Variants in HECW2 observed in about 807,000 individuals in gnomAD.
The protein encoded by HECW2 is HECT, C2 and WW domain containing E3 ubiquitin protein ligase 2.
In HECW2, 61 loss-of-function variants were observed where a neutral mutation model predicts 175.2. That is an observed-to-expected ratio of 0.35 (90% CI 0.28 to 0.43). The LOEUF (loss-of-function observed/expected upper bound fraction) is 0.43. Ranked by LOEUF, HECW2 falls within the 20% of genes least tolerant of loss-of-function variation. The probability of loss-of-function intolerance (pLI) is 1.00; values close to 1 mark genes in which losing one functional copy is unlikely to be tolerated. For missense variants in HECW2, 1,524 were observed against 2,000.5 expected, an observed-to-expected ratio of 0.76 and a Z score of 4.54; for synonymous variants, 671 against 731.0, an observed-to-expected ratio of 0.92 and a Z score of 1.32.
At chr2:196,340,920 T>C (rs1418715533) in intron 3 of HECW2, among the ~76,000 whole-genome samples, 2 of 127,162 alleles carry the variant, frequency 1.6e-5, no homozygotes, top group African/African-American at 5.1e-5. Context: ...AATGCTAAAA[T>C]ACGGAGAAAA....
intron 19 of HECW2, among the ~76,000 whole-genome samples, chr2:196,246,255 A>G (rs1204962845): frequency 6.6e-6 from 1 of 152,226 alleles, no homozygotes; most frequent in African/African-American, 2.4e-5. Context: ...AGTCTGAGAA[A>G]CTGCAGACTA....
At chr2:196,257,961 C>G (rs1689130642) in intron 17 of HECW2, 55 bp from the exon 18 acceptor site, 2 of 1,306,630 alleles carry the variant, frequency 1.5e-6, no homozygotes, top group Non-Finnish European at 1.1e-6. Flanking sequence ...TAGGCTATAA[C>G]TCAGTAGTAA....
intron 1 of HECW2, among the ~76,000 whole-genome samples, chr2:196,535,681 T>A (rs946161440): frequency 2.2e-4 from 33 of 152,154 alleles, no homozygotes; most frequent in Non-Finnish European, 1.9e-4. Flanking sequence ...CCTCTCCTCA[T>A]CGATCCCAAA....
At chr2:196,518,305 G>C (rs1225196374) in intron 1 of HECW2, among the ~76,000 whole-genome samples, 1 of 152,128 alleles carries the variant, frequency 6.6e-6, no homozygotes, top group African/African-American at 2.4e-5. Flanking sequence ...CAAATTATAA[G>C]ATAAGAGCTA....
chr2:196,215,912 T>G lies in HECW2; in HGVS notation c.4560A>C (p.Pro1520=), dbSNP rs149233137. The change falls in exon 28 of 29, where the codon CCA becomes CCC. Residue 1520 remains proline, a synonymous_variant. Transcript: ENST00000644978. ...CCCATTTCTCCACACAGAATCTTCT[T>G]GGGCCGTTACTCCCTCGGAGTGAAG... ...GFASLRGSNG[P]RRFCVEKWGK... is the part of the protein sequence containing the mutation. 1.1e-4 allele frequency: 175 copies of G among 1,614,084 alleles called. No homozygotes were observed. The African/African-American group carries it at 1.9e-3, about 17-fold the overall frequency.
intron 2 of HECW2, among the ~76,000 whole-genome samples, chr2:196,386,330 G>A (rs1694350672): frequency 6.6e-6 from 1 of 152,160 alleles, no homozygotes; most frequent in African/African-American, 2.4e-5. Context: ...AAGCATAGTA[G>A]GCCTCATTCA....
intron 21 of HECW2, among the ~76,000 whole-genome samples, chr2:196,229,283 T>G (rs1480634234): frequency 1.3e-5 from 2 of 152,164 alleles, no homozygotes; most frequent in African/African-American, 4.8e-5. Flanking sequence ...TTTTGAATTT[T>G]TTTTTTGTGG....
chr2:196,320,059 G>C (rs1219268914), intron 8 of HECW2, 155 bp from the exon 9 acceptor site: 1 of 761,908 alleles, frequency 1.3e-6, no homozygotes, highest in African/African-American at 1.8e-5. Context: ...TACTAAATGA[G>C]GAGACTGCTA....
intron 1 of HECW2, among the ~76,000 whole-genome samples, chr2:196,576,133 T>G (rs1180294756): frequency 6.7e-6 from 1 of 149,854 alleles, no homozygotes; most frequent in East Asian, 1.9e-4. Context: ...TACTTACCAT[T>G]GTGTTATAAT....
Position 196,585,067 on chromosome 2 carries a change from T to A in HECW2, c.-36+8441A>T, listed in dbSNP as rs116587902. ...GGCATATGGTTTTACTTGCTAATAATTTTCCCTTCCTTGTTTGTCTTTGCC... is the reference window on the plus strand; with the variant it reads ...GGCATATGGTTTTACTTGCTAATAAATTTCCCTTCCTTGTTTGTCTTTGCC... On this transcript the variant is annotated intron_variant, in intron 1 of 28. Transcript: ENST00000644978. Among the ~76,000 whole-genome samples, 1,105 of 152,320 alleles carry A rather than the reference T, an allele frequency of 7.3e-3. 22 individuals carry two copies. The highest frequency in any genetic ancestry group is 0.026 in the African/African-American group (1,061 of 41,564).
At chr2:196,538,210 C>T (rs1247288097) in intron 1 of HECW2, among the ~76,000 whole-genome samples, 1 of 152,218 alleles carries the variant, frequency 6.6e-6, no homozygotes, top group East Asian at 1.9e-4. Context: ...ATATCCTCCA[C>T]TTTTTCTGAT....
rs548842006 is a variant in HECW2, at chr2:196,387,541, T to C, written c.293-43777A>G. Among the ~76,000 whole-genome samples the C allele has an allele frequency of 3.3e-5, 5 of 152,288 alleles. No individual in the cohort carries two copies. In the South Asian group the frequency reaches 1.0e-3, roughly 32 times the overall value. On this transcript the variant is annotated intron_variant, in intron 2 of 28. Transcript: ENST00000644978. ...TCCAGAACGGAGAAAGAAATTTCTG[T>C]TGCTTATAAATTACCTAGCCTAAAG...
intron 1 of HECW2, among the ~76,000 whole-genome samples, chr2:196,518,112 T>A (rs1323758790): frequency 6.6e-6 from 1 of 152,184 alleles, no homozygotes; most frequent in African/African-American, 2.4e-5. Flanking sequence ...TCCCCTACAC[T>A]AACACAGCAA....
chr2:196,234,022 T>C (rs1688150306), intron 21 of HECW2, among the ~76,000 whole-genome samples: 1 of 152,182 alleles, frequency 6.6e-6, no homozygotes, highest in South Asian at 2.1e-4. Context: ...AAACTAAAAC[T>C]GCTTGTACAC....
chr2:196,397,856 C>T (rs1000576528), intron 2 of HECW2, among the ~76,000 whole-genome samples: 3 of 152,170 alleles, frequency 2.0e-5, no homozygotes, highest in African/African-American at 7.2e-5. Context: ...AAAGCAGTCC[C>T]AATACCATTG....
At chr2:196,271,953 G>A (rs1349783038) in intron 16 of HECW2, among the ~76,000 whole-genome samples, 1 of 152,104 alleles carries the variant, frequency 6.6e-6, no homozygotes. Flanking sequence ...CATTTGACAA[G>A]CCATATTTAT....
chr2:196,303,803 C>T (rs1484851737), intron 13 of HECW2, among the ~76,000 whole-genome samples: 2 of 152,126 alleles, frequency 1.3e-5, no homozygotes, highest in Non-Finnish European at 2.9e-5. Flanking sequence ...TATCTCTTTT[C>T]TACTTTATTA....
intron 21 of HECW2, 138 bp downstream of exon 21, chr2:196,240,311 G>T: frequency 2.3e-6 from 1 of 444,320 alleles, no homozygotes. Flanking sequence ...AAAAAAAAAA[G>T]CCCAAAGGTT....
At chr2:196,331,006 G>C (rs1244623566) in intron 4 of HECW2, 1 of 223,420 alleles carries the variant, frequency 4.5e-6, no homozygotes, top group Non-Finnish European at 7.5e-6. Context: ...ACATCCCCAG[G>C]AGATAAAAGC....
Sources: gnomAD v4.1 joint callset for allele counts (sites outside exome capture counted in the v4.1 genomes callset) on GRCh38, gnomAD v4.1.1 for gene constraint, MANE v1.5 for transcripts, NCBI Gene and HGNC (gene_info 2026-07-23, HGNC 2026-07-21) for gene names.